ARHGAP21: variants seen among roughly 807,000 people sequenced by gnomAD.
ARHGAP21 encodes rho GTPase-activating protein 21.
Under a neutral mutation model 164.6 loss-of-function variants are expected in ARHGAP21, and 38 were observed. The ratio of observed to expected loss-of-function variants is 0.23; its 90% CI spans 0.18 to 0.30. The LOEUF (loss-of-function observed/expected upper bound fraction) is 0.30. Ranked by LOEUF, ARHGAP21 falls within the 10% of genes least tolerant of loss-of-function variation. The pLI is 1.00. For synonymous variants in ARHGAP21, 766 were observed against 857.9 expected, an observed-to-expected ratio of 0.89 and a Z score of 1.87; for missense variants, 1,822 against 2,370.7, an observed-to-expected ratio of 0.77 and a Z score of 4.81.
chr10:24,640,019 A>G (rs1315131654), intron 4 of ARHGAP21: 1 of 152,114 alleles, frequency 6.6e-6, no homozygotes, highest in Non-Finnish European at 1.5e-5. Flanking sequence ...GATCACAGAG[A>G]AACAGATCAT....
At chr10:24,715,747 C>T (rs1022618827) in intron 2 of ARHGAP21, among the ~76,000 whole-genome samples, 2 of 152,190 alleles carry the variant, frequency 1.3e-5, no homozygotes, top group Middle Eastern at 3.2e-3. Flanking sequence ...GTGGCTCACA[C>T]CTGTAATTCC....
At chr10:24,590,943 A>T in intron 24 of ARHGAP21, 10 of 677,696 alleles carry the variant, frequency 1.5e-5, no homozygotes, top group African/African-American at 3.9e-5. Context: ...TGTGAATTAA[A>T]AAAAAAAAAA....
intron 2 of ARHGAP21, among the ~76,000 whole-genome samples, chr10:24,693,611 CCAAA>C (rs1354109212): frequency 3.3e-5 from 5 of 152,114 alleles, no homozygotes; most frequent in Admixed American, 2.0e-4. Context: ...CCTCAGCCTC[CCAAA>C]GTGCTGGGAT....
chr10:24,679,703 T>G (rs1841590704), intron 2 of ARHGAP21, among the ~76,000 whole-genome samples: 2 of 152,236 alleles, frequency 1.3e-5, no homozygotes, highest in African/African-American at 4.8e-5. Flanking sequence ...TGTACTTCCC[T>G]TATGGCAAAT....
chr10:24,702,244 C>A (rs986201349), intron 2 of ARHGAP21, among the ~76,000 whole-genome samples: 1 of 148,462 alleles, frequency 6.7e-6, no homozygotes, highest in East Asian at 2.0e-4. Context: ...CATTCTCCTG[C>A]CTCAGCCTTC....
At chr10:24,659,348 C>G (rs1839433980) in intron 4 of ARHGAP21, among the ~76,000 whole-genome samples, 1 of 152,152 alleles carries the variant, frequency 6.6e-6, no homozygotes, top group African/African-American at 2.4e-5. Context: ...TGGAATTTCA[C>G]TCTTGTTGCC....
chr10:24,666,400 A>G (rs977397794), intron 4 of ARHGAP21, among the ~76,000 whole-genome samples: 1 of 152,194 alleles, frequency 6.6e-6, no homozygotes, highest in Non-Finnish European at 1.5e-5. Flanking sequence ...TCTCTGTACT[A>G]TTTTTGCAAC....
In ARHGAP21 at chr10:24,619,319, A is replaced by G. The variant is rs112117935; in HGVS notation, c.2422+154T>C. Among the ~76,000 whole-genome samples the G allele has an allele frequency of 8.3e-4, 126 of 152,262 alleles. 2 individuals are homozygous for G. Among genetic ancestry groups the G allele is most frequent in the African/African-American group, 2.8e-3 (118 of 41,570 alleles). On this transcript the variant is annotated intron_variant, in intron 9 of 25. Coordinates refer to ENST00000396432, the MANE Select transcript of ARHGAP21 (RefSeq NM_020824.4). ...GAAATAACTTTTAAAGAGGTTTGTG[A>G]AAGCTCTGGTTGAAGCACAGCTTAT...
intron 16 of ARHGAP21, 90 bp downstream of exon 16, chr10:24,597,357 C>G: frequency 6.7e-7 from 1 of 1,488,854 alleles, no homozygotes; most frequent in Admixed American, 2.0e-5. Context: ...GGGGCCTGGT[C>G]AGTAGAAATG....
intron 2 of ARHGAP21, among the ~76,000 whole-genome samples, chr10:24,707,374 A>G (rs1844341718): frequency 6.6e-6 from 1 of 152,206 alleles, no homozygotes; most frequent in South Asian, 2.1e-4. Flanking sequence ...TAGTTTCAAG[A>G]TGATCACCCC....
At chr10:24,681,246 A>G (rs2131887662) in intron 2 of ARHGAP21, among the ~76,000 whole-genome samples, 1 of 152,318 alleles carries the variant, frequency 6.6e-6, no homozygotes, top group African/African-American at 2.4e-5. Flanking sequence ...CTAAAAAACC[A>G]TTGCAATGTA....
chr10:24,602,438 C>T (rs12572978), intron 12 of ARHGAP21, among the ~76,000 whole-genome samples: 3 of 151,962 alleles, frequency 2.0e-5, no homozygotes, highest in African/African-American at 7.2e-5. Flanking sequence ...GCAGCTAGAA[C>T]CTGGTGATGA....
chr10:24,607,694 G>A (rs2077086732), intron 10 of ARHGAP21, 51 bp downstream of exon 10: 2 of 1,610,830 alleles, frequency 1.2e-6, no homozygotes, highest in African/African-American at 2.7e-5. Context: ...ACTATTCTAA[G>A]TGGAAAACAG....
chr10:24,601,233 G>A (rs150057209), intron 13 of ARHGAP21, among the ~76,000 whole-genome samples: 147 of 152,236 alleles, frequency 9.7e-4, no homozygotes, highest in African/African-American at 3.3e-3. Context: ...AAACAGTAAC[G>A]GAATAGAAAA....
At chr10:24,623,871 T>A (rs1377301941) in intron 7 of ARHGAP21, among the ~76,000 whole-genome samples, 1 of 152,204 alleles carries the variant, frequency 6.6e-6, no homozygotes, top group African/African-American at 2.4e-5. Context: ...AATTAGAATA[T>A]CTACTTGGGT....
At chr10:24,652,978 T>C (rs983913763) in intron 4 of ARHGAP21, among the ~76,000 whole-genome samples, 2 of 152,222 alleles carry the variant, frequency 1.3e-5, no homozygotes, top group African/African-American at 4.8e-5. Flanking sequence ...CATAGCTGCA[T>C]TGTTTGAAGT....
intron 7 of ARHGAP21, among the ~76,000 whole-genome samples, chr10:24,624,330 T>G (rs866936900): frequency 5.1e-5 from 7 of 136,466 alleles, no homozygotes; most frequent in African/African-American, 1.9e-4. Flanking sequence ...GAAATGCTGT[T>G]CTAGAACTTT....
intron 3 of ARHGAP21, among the ~76,000 whole-genome samples, chr10:24,667,748 G>A (rs1245489074): frequency 6.6e-6 from 1 of 151,586 alleles, no homozygotes; most frequent in Non-Finnish European, 1.5e-5. Flanking sequence ...TATTTTGGCT[G>A]CCCAATGTTT....
intron 2 of ARHGAP21, among the ~76,000 whole-genome samples, chr10:24,705,329 T>C (rs995501075): frequency 2.6e-5 from 4 of 152,198 alleles, no homozygotes; most frequent in Non-Finnish European, 4.4e-5. Flanking sequence ...TTTACGGTAA[T>C]GTAAATCCAT....
Sources: allele counts gnomAD v4.1 joint callset (sites outside exome capture counted in the v4.1 genomes callset), GRCh38; gene constraint gnomAD v4.1.1; transcripts MANE v1.5; gene names NCBI Gene and HGNC (gene_info 2026-07-23, HGNC 2026-07-21).